The following PTCHD4 variants were observed in gnomAD, a reference collection of about 807,000 sequenced individuals.
PTCHD4 encodes patched domain containing 4, also known as patched domain-containing protein 4.
PTCHD4 carries 33 observed loss-of-function variants against 58.1 expected under a neutral mutation model. The ratio of observed to expected loss-of-function variants is 0.57; its 90% confidence interval spans 0.43 to 0.76. The LOEUF (loss-of-function observed/expected upper bound fraction) is 0.76, where lower values mean the gene tolerates loss of function less well. PTCHD4 is among the 30% of genes least tolerant of loss of function. The pLI is 0.00. For missense variants in PTCHD4, 1,058 were observed against 1,027.1 expected, an observed-to-expected ratio of 1.03 and a Z score of -0.41; for synonymous variants, 478 against 409.6, an observed-to-expected ratio of 1.17 and a Z score of -2.02.
Position 47,879,215 on chromosome 6 carries a change from A to T in PTCHD4, c.1620T>A (p.Ser540Arg). Reference sequence around the variant, plus strand: ...CCACCCAGGACACTGCAGTGAATCCACTACAGAGTCTTCTTAGGTCATCCT... The same window carrying T: ...CCACCCAGGACACTGCAGTGAATCCTCTACAGAGTCTTCTTAGGTCATCCT... ...SVQDDLRRLCSGFTAVSWVEQ... is the reference protein window; with the variant it reads ...SVQDDLRRLCRGFTAVSWVEQ... The change falls in exon 5 of 5, where the codon AGT becomes AGA. Residue 540 changes from serine to arginine, a missense_variant. Coordinates refer to ENST00000339488, the MANE Select transcript of PTCHD4 (RefSeq NM_001384253.1). 1 of 1,613,066 alleles carries T rather than the reference A, an allele frequency of 6.2e-7. No homozygotes were observed. The highest frequency in any genetic ancestry group is 8.5e-7 in the Non-Finnish European group (1 of 1,179,670).
chr6:48,103,302 C>T (rs980230157), intron 1 of PTCHD4, among the ~76,000 whole-genome samples: 51 of 152,152 alleles, frequency 3.4e-4, no homozygotes, highest in South Asian at 4.1e-4. Flanking sequence ...CACCAATATC[C>T]GCTGTTCTGC....
intron 3 of PTCHD4, among the ~76,000 whole-genome samples, chr6:48,048,669 A>T (rs1764124861): frequency 6.6e-6 from 1 of 151,810 alleles, no homozygotes; most frequent in South Asian, 2.1e-4. Context: ...GCTGTTTCTG[A>T]CTCTCCAAAA....
chr6:47,937,026 A>G (rs867056780), intron 4 of PTCHD4, among the ~76,000 whole-genome samples: 1 of 152,236 alleles, frequency 6.6e-6, no homozygotes, highest in Non-Finnish European at 1.5e-5. Context: ...AAGAAAGCCC[A>G]TGTGGCTGGG....
intron 3 of PTCHD4, among the ~76,000 whole-genome samples, chr6:48,058,851 T>C (rs1432406786): frequency 6.6e-6 from 1 of 152,234 alleles, no homozygotes; most frequent in East Asian, 1.9e-4. Context: ...AGTTCTTCAG[T>C]GCAAAAGGCA....
chr6:48,004,178 T>A lies in PTCHD4; in HGVS notation c.898+4456A>T, dbSNP rs540636277. Among the ~76,000 whole-genome samples, 5 of 152,266 alleles carry A rather than the reference T, an allele frequency of 3.3e-5. No individual in the cohort carries two copies. In the East Asian group the frequency reaches 9.6e-4, roughly 29 times the overall value. On this transcript the variant is annotated intron_variant, in intron 4 of 4. Coordinates refer to ENST00000339488, the MANE Select transcript of PTCHD4 (RefSeq NM_001384253.1). ...TTTCTTGAACATAGTAGATGCTCAA[T>A]AAATCTTTGAAAATTAATAAACAAT...
At chr6:48,013,495 T>A (rs1187379278) in intron 3 of PTCHD4, among the ~76,000 whole-genome samples, 2 of 151,768 alleles carry the variant, frequency 1.3e-5, no homozygotes, top group East Asian at 3.9e-4. Context: ...CTCTCTTGAT[T>A]AAATCTCATG....
At chr6:47,950,896 C>T (rs1310235434) in intron 4 of PTCHD4, among the ~76,000 whole-genome samples, 1 of 152,072 alleles carries the variant, frequency 6.6e-6, no homozygotes, top group African/African-American at 2.4e-5. Flanking sequence ...AGTCAGGATT[C>T]TGGAGGTCAA....
At chr6:47,943,493 G>A (rs949897845) in intron 4 of PTCHD4, among the ~76,000 whole-genome samples, 1 of 152,018 alleles carries the variant, frequency 6.6e-6, no homozygotes, top group African/African-American at 2.4e-5. Context: ...GGCAGTGAAG[G>A]GTGGAAAGTT....
In PTCHD4 at chr6:47,894,257, C is replaced by T. The variant is rs184190585; in HGVS notation, c.899-14321G>A. Among the ~76,000 whole-genome samples the T allele has an allele frequency of 2.9e-3, 444 of 152,328 alleles. 2 individuals carry two copies. The highest frequency in any genetic ancestry group is 0.01 in the African/African-American group (424 of 41,578). On this transcript the variant is annotated intron_variant, in intron 4 of 4. Coordinates refer to ENST00000339488, the MANE Select transcript of PTCHD4 (RefSeq NM_001384253.1). ...CAATCAGTCCCCTTTCAGCAGTCCA[C>T]AGCTTAGCCTTGGCCTTATTACAAC...
At position 48,000,048 on chromosome 6, in the gene PTCHD4, A is replaced by T. The variant is rs1768658806; in HGVS notation, c.898+8586T>A. 6.6e-5 allele frequency among the ~76,000 whole-genome samples: 10 copies of T among 152,262 alleles called. No individual in the cohort carries two copies. The South Asian group carries it at 1.9e-3, about 28-fold the overall frequency. On this transcript the variant is annotated intron_variant, in intron 4 of 4. Coordinates refer to ENST00000339488, the MANE Select transcript of PTCHD4 (RefSeq NM_001384253.1). ...ATCACTTCTGAGGTAAGGCTGTTAC[A>T]AATAGGTATGAATTCTCTATTTTCT...
At chr6:47,929,614 T>C (rs551736423) in intron 4 of PTCHD4, among the ~76,000 whole-genome samples, 1 of 152,334 alleles carries the variant, frequency 6.6e-6, no homozygotes, top group South Asian at 2.1e-4. Context: ...TATATGTCTA[T>C]AGATGTGAAA....
chr6:48,037,243 T>G lies in PTCHD4; in HGVS notation c.418-28129A>C, dbSNP rs535506394. ...CAGTATATTGTTATCATTGTTCTCTTTTATTATTAGTTATTGTCAATATAT... is the reference window on the plus strand; with the variant it reads ...CAGTATATTGTTATCATTGTTCTCTGTTATTATTAGTTATTGTCAATATAT... On this transcript the variant is annotated intron_variant, in intron 3 of 4. Transcript: ENST00000339488. Among the ~76,000 whole-genome samples, 30 of 152,278 alleles carry G rather than the reference T, an allele frequency of 2.0e-4. 2 individuals carry two copies. In the South Asian group the frequency reaches 6.2e-3, roughly 32 times the overall value.
intron 1 of PTCHD4, among the ~76,000 whole-genome samples, chr6:48,080,875 C>A (rs748711543): frequency 6.6e-6 from 1 of 152,110 alleles, no homozygotes; most frequent in Admixed American, 6.6e-5. Context: ...TCAGCTCTCC[C>A]GGTATTAATG....
chr6:47,890,968 G>T lies in PTCHD4; in HGVS notation c.899-11032C>A, dbSNP rs904899336. The T allele has an allele frequency of 5.0e-6, 4 of 794,812 alleles. No homozygotes were observed. In the African/African-American group the frequency reaches 7.5e-5, roughly 15 times the overall value. The allele number at this position is 794,812 out of a possible 1,614,324, so 49.2% of individuals were successfully genotyped here. Reference sequence around the variant, plus strand: ...CACACCTGTAATCCCAGCACTTTGGGGGGCTGAGGCTGGTGGATCACTTGA... The same window carrying T: ...CACACCTGTAATCCCAGCACTTTGGTGGGCTGAGGCTGGTGGATCACTTGA... On this transcript the variant is annotated intron_variant, in intron 4 of 4. Transcript: ENST00000339488.
intron 4 of PTCHD4, among the ~76,000 whole-genome samples, chr6:47,892,679 A>G (rs1445176713): frequency 1.3e-5 from 2 of 152,260 alleles, no homozygotes; most frequent in Middle Eastern, 3.2e-3. Flanking sequence ...TTGCAAACTT[A>G]GATTATGCAC....
Position 48,101,933 on chromosome 6 carries a change from C to G in PTCHD4, c.-970+9116G>C, listed in dbSNP as rs553772343. Reference sequence around the variant, plus strand: ...TGCTGCCTCTCTATGAAGGTCTGGTCAATGGAAATTACAAGTCTTTTTCCC... The same window carrying G: ...TGCTGCCTCTCTATGAAGGTCTGGTGAATGGAAATTACAAGTCTTTTTCCC... On this transcript the variant is annotated intron_variant, in intron 1 of 4. Transcript: ENST00000339488. Among the ~76,000 whole-genome samples, 11 of 152,256 alleles carry G rather than the reference C, an allele frequency of 7.2e-5. No homozygotes were observed. The South Asian group carries it at 2.1e-3, about 29-fold the overall frequency.
In PTCHD4 at chr6:47,974,995, A is replaced by AAAAC. The variant is rs545655053; in HGVS notation, c.898+33635_898+33638dup. 2.2e-3 allele frequency among the ~76,000 whole-genome samples: 342 copies of AAAAC among 152,260 alleles called. 1 individual carries two copies. The highest frequency in any genetic ancestry group is 0.014 in the Middle Eastern group (4 of 294). On this transcript the variant is annotated intron_variant, in intron 4 of 4. Transcript: ENST00000339488. ...TCCTACGTACTGGAGATTCCATGGT[A>AAAAC]AAACAAACAAACAAACAAACAAAAC...
chr6:47,901,558 T>C (rs1764705513), intron 4 of PTCHD4: 1 of 1,032,902 alleles, frequency 9.7e-7, no homozygotes, highest in African/African-American at 1.7e-5. Context: ...ACAGTACTTA[T>C]AATGCTTCCA....
At chr6:48,088,823 T>A (rs758469202) in intron 1 of PTCHD4, among the ~76,000 whole-genome samples, 3 of 152,028 alleles carry the variant, frequency 2.0e-5, no homozygotes, top group Non-Finnish European at 4.4e-5. Context: ...GCGGGTGGAT[T>A]ACCTGAGGTC....
Sources: gnomAD v4.1 joint callset for allele counts (sites outside exome capture counted in the v4.1 genomes callset) on GRCh38, gnomAD v4.1.1 for gene constraint, MANE v1.5 for transcripts, NCBI Gene and HGNC (gene_info 2026-07-23, HGNC 2026-07-21) for gene names.